CACNA2D3: variants seen among roughly 807,000 people sequenced by gnomAD.
CACNA2D3 encodes calcium voltage-gated channel auxiliary subunit alpha2delta 3, also known as voltage-dependent calcium channel subunit alpha-2/delta-3.
Under a neutral mutation model 160.6 loss-of-function variants are expected in CACNA2D3, and 60 were observed. That is an observed-to-expected ratio of 0.37 (90% CI 0.30 to 0.46). The LOEUF is 0.46. CACNA2D3 is among the 20% of genes least tolerant of loss of function. The pLI is 1.00. For missense variants in CACNA2D3, 1,205 were observed against 1,365.0 expected (o/e 0.88, Z 1.85); for synonymous variants, 558 against 492.9 (o/e 1.13, Z -1.75).
At chr3:54,845,873 G>T (rs1698920081) in intron 16 of CACNA2D3, among the ~76,000 whole-genome samples, 2 of 152,144 alleles carry the variant, frequency 1.3e-5, no homozygotes, top group Admixed American at 1.3e-4. Flanking sequence ...GTGTAGGCTG[G>T]GACAGGGGGA....
At chr3:54,898,851 C>T (rs1559622131) in intron 26 of CACNA2D3, among the ~76,000 whole-genome samples, 1 of 152,098 alleles carries the variant, frequency 6.6e-6, no homozygotes, top group Non-Finnish European at 1.5e-5. Context: ...TCATAACCCC[C>T]TTAGAGTCCG....
rs1704878884 is a variant in CACNA2D3, at chr3:55,073,875, GT to G, written c.3183+18del. The G allele has an allele frequency of 3.1e-6, 5 of 1,604,366 alleles. No homozygotes were observed. Among genetic ancestry groups the G allele is most frequent in the Non-Finnish European group, 8.5e-7 (1 of 1,171,804 alleles). On this transcript the variant is annotated intron_variant, in intron 37 of 37. Transcript: ENST00000474759. ...CCATCCTGAGGTAAGTCTGAGAACT[GT>G]TCCTGTTTCCTTTTCCCATCAGAAT...
intron 4 of CACNA2D3, among the ~76,000 whole-genome samples, chr3:54,479,054 G>A (rs1183048232): frequency 6.6e-6 from 1 of 151,876 alleles, no homozygotes; most frequent in Non-Finnish European, 1.5e-5. Context: ...CACATGTGTT[G>A]TGGGAGGGAC....
intron 4 of CACNA2D3, among the ~76,000 whole-genome samples, chr3:54,469,985 G>C (rs1700701041): frequency 6.6e-6 from 1 of 152,148 alleles, no homozygotes; most frequent in Admixed American, 6.6e-5. Context: ...GGGGAGAATG[G>C]AACCAAGTTG....
chr3:55,034,548 A>G (rs1703771150), intron 35 of CACNA2D3, among the ~76,000 whole-genome samples: 1 of 152,048 alleles, frequency 6.6e-6, no homozygotes, highest in Non-Finnish European at 1.5e-5. Flanking sequence ...GGCTTATGGT[A>G]GTGTTAGAGA....
chr3:54,984,382 C>T (rs73845240), intron 29 of CACNA2D3, among the ~76,000 whole-genome samples: 1,695 of 151,998 alleles, frequency 0.011, 31 homozygotes, highest in African/African-American at 0.039. Flanking sequence ...ATTCAAGACT[C>T]GTTCAGTCTT....
chr3:54,474,410 C>A (rs12496551), intron 4 of CACNA2D3, among the ~76,000 whole-genome samples: 1 of 151,208 alleles, frequency 6.6e-6, no homozygotes, highest in Non-Finnish European at 1.5e-5. Flanking sequence ...GGGTGGGGGC[C>A]TAGGGGAGGG....
At chr3:54,468,810 T>C (rs1164474450) in intron 4 of CACNA2D3, among the ~76,000 whole-genome samples, 2 of 152,158 alleles carry the variant, frequency 1.3e-5, no homozygotes, top group African/African-American at 4.8e-5. Flanking sequence ...ACAAAGCTGC[T>C]GGGAAGTTCG....
chr3:54,393,768 G>A (rs6769553), intron 4 of CACNA2D3, among the ~76,000 whole-genome samples: 51,678 of 152,036 alleles, frequency 0.34, 9,065 homozygotes, highest in East Asian at 0.41. Flanking sequence ...GGTATCCCAC[G>A]TCCCAGGGAA....
intron 2 of CACNA2D3, among the ~76,000 whole-genome samples, chr3:54,295,904 A>AT (rs1488006770): frequency 6.6e-6 from 1 of 152,104 alleles, no homozygotes; most frequent in African/African-American, 2.4e-5. Flanking sequence ...TGGCTTAGTG[A>AT]TTTTGGGGTC....
intron 17 of CACNA2D3, among the ~76,000 whole-genome samples, chr3:54,870,823 ATGGT>A (rs1466060846): frequency 6.6e-6 from 1 of 152,150 alleles, no homozygotes. Flanking sequence ...CAGCGAATAG[ATGGT>A]TCTGTGTGTC....
At chr3:54,264,347 C>A (rs570728030) in intron 2 of CACNA2D3, among the ~76,000 whole-genome samples, 1 of 152,290 alleles carries the variant, frequency 6.6e-6, no homozygotes, top group South Asian at 2.1e-4. Context: ...TGAAAGTTAA[C>A]CACAGTGTCT....
intron 2 of CACNA2D3, among the ~76,000 whole-genome samples, chr3:54,274,227 T>C (rs973978469): frequency 3.9e-5 from 6 of 152,064 alleles, no homozygotes; most frequent in African/African-American, 1.4e-4. Context: ...TATATATATA[T>C]ATAAGAAATA....
At chr3:54,295,503 G>A (rs57836319) in intron 2 of CACNA2D3, among the ~76,000 whole-genome samples, 33,427 of 152,118 alleles carry the variant, frequency 0.22, 3,855 homozygotes, top group South Asian at 0.34. Flanking sequence ...AATATATGTA[G>A]GATGTACCTT....
intron 27 of CACNA2D3, among the ~76,000 whole-genome samples, chr3:54,953,763 TGTGG>T (rs1333394953): frequency 6.6e-6 from 1 of 152,142 alleles, no homozygotes; most frequent in African/African-American, 2.4e-5. Flanking sequence ...CTTGACAGGC[TGTGG>T]GAATCACTGG....
chr3:54,473,227 C>G (rs768468627), intron 4 of CACNA2D3, among the ~76,000 whole-genome samples: 2 of 152,094 alleles, frequency 1.3e-5, no homozygotes, highest in Admixed American at 1.3e-4. Context: ...GAAATAATGC[C>G]GCACATCTAG....
chr3:55,021,665 G>GTA (rs1234588541), intron 35 of CACNA2D3, among the ~76,000 whole-genome samples: 6 of 140,358 alleles, frequency 4.3e-5, no homozygotes, highest in East Asian at 4.0e-4. Context: ...ATATGTGTGT[G>GTA]TATATATATA....
At chr3:54,840,048 A>G (rs1392262890) in intron 16 of CACNA2D3, among the ~76,000 whole-genome samples, 1 of 152,202 alleles carries the variant, frequency 6.6e-6, no homozygotes, top group East Asian at 1.9e-4. Context: ...CTAGGTGTCC[A>G]GAACTGCTGG....
intron 11 of CACNA2D3, among the ~76,000 whole-genome samples, chr3:54,736,003 ATATG>A (rs1553813892): frequency 2.2e-4 from 22 of 99,300 alleles, no homozygotes; most frequent in South Asian, 1.1e-3. Flanking sequence ...ACATATATAT[ATATG>A]TATATATATA....
Sources: gnomAD v4.1 joint callset for allele counts (sites outside exome capture counted in the v4.1 genomes callset) on GRCh38, gnomAD v4.1.1 for gene constraint, MANE v1.5 for transcripts, NCBI Gene and HGNC (gene_info 2026-07-23, HGNC 2026-07-21) for gene names.